Variants in UNC79 observed in about 807,000 individuals in gnomAD.
UNC79 encodes the protein unc-79 subunit of NALCN channel complex, also known as protein unc-79 homolog.
Under a neutral mutation model 283.1 loss-of-function variants are expected in UNC79, and 37 were observed. The ratio of observed to expected loss-of-function variants is 0.13; its 90% CI spans 0.10 to 0.17. The LOEUF is 0.17. Ranked by LOEUF, UNC79 falls within the 10% of genes least tolerant of loss-of-function variation. UNC79 has a pLI of 1.00. For missense variants in UNC79, 2,272 were observed against 3,211.1 expected (o/e 0.71, Z 7.07); for synonymous variants, 1,107 against 1,200.2 (o/e 0.92, Z 1.61).
chr14:93,560,447 T>C (rs1184356457), intron 14 of UNC79, among the ~76,000 whole-genome samples: 2 of 152,128 alleles, frequency 1.3e-5, no homozygotes, highest in African/African-American at 4.8e-5. Context: ...ACTGATAAAG[T>C]TTGTGATATC....
rs1383975382 is a variant in UNC79 at position 93,582,242 on chromosome 14, A to G, written c.2701A>G (p.Arg901Gly). The G allele has an allele frequency of 2.5e-6, 4 of 1,614,064 alleles. No homozygotes were observed. Among genetic ancestry groups the G allele is most frequent in the Admixed American group, 1.7e-5 (1 of 60,006 alleles). ...CCTGGAGGATAGCCTCCTTTCTTCC[A>G]GACCAGAGTTTATCATAGGCCCTGA... The change falls in exon 20 of 49, where the codon AGA (arginine) becomes GGA (glycine). Residue 901 changes from arginine to glycine, a missense_variant. Coordinates refer to ENST00000555664, the Ensembl canonical transcript of UNC79.
At chr14:93,660,604 T>C (rs1398040339) in intron 39 of UNC79, among the ~76,000 whole-genome samples, 3 of 146,204 alleles carry the variant, frequency 2.1e-5, no homozygotes, top group Non-Finnish European at 4.5e-5. Context: ...TTTTATTTTA[T>C]TTTGAGACAG....
intron 1 of UNC79, chr14:93,334,402 C>T (rs913585783): frequency 3.9e-5 from 6 of 152,234 alleles, no homozygotes; most frequent in South Asian, 2.1e-4. Context: ...CTGAAATTCC[C>T]CTCTAGCTGG....
intron 8 of UNC79, among the ~76,000 whole-genome samples, chr14:93,527,489 A>G (rs2060598741): frequency 6.6e-6 from 1 of 152,184 alleles, no homozygotes; most frequent in Non-Finnish European, 1.5e-5. Context: ...TTTCACTCTG[A>G]GCCTTTGTCA....
At chr14:93,494,069 A>G (rs897836137) in intron 5 of UNC79, among the ~76,000 whole-genome samples, 1 of 151,262 alleles carries the variant, frequency 6.6e-6, no homozygotes, top group African/African-American at 2.4e-5. Flanking sequence ...ACACCCAGCT[A>G]ATTTTTTGTA....
chr14:93,619,464 A>G (rs1278217587), intron 29 of UNC79, among the ~76,000 whole-genome samples: 1 of 152,222 alleles, frequency 6.6e-6, no homozygotes, highest in Non-Finnish European at 1.5e-5. Context: ...TATTGGTTGG[A>G]AAAACTGCAT....
intron 1 of UNC79, among the ~76,000 whole-genome samples, chr14:93,439,016 T>G (rs1371720345): frequency 6.6e-6 from 1 of 152,096 alleles, no homozygotes; most frequent in East Asian, 1.9e-4. Flanking sequence ...TTTAAAATTT[T>G]GAATACATGA....
At chr14:93,426,629 A>G (rs2055735430), upstream of UNC79, among the ~76,000 whole-genome samples, 2 of 151,544 alleles carry the variant, frequency 1.3e-5, no homozygotes, top group South Asian at 2.1e-4. Flanking sequence ...TATTTCATCT[A>G]TTTTCTACAC....
exon 19 of UNC79, chr14:93,580,284 G>C: frequency 6.2e-7 from 1 of 1,614,172 alleles, no homozygotes. Flanking sequence ...AAAAGCAATC[G>C]AGTGCAACTT....
At chr14:93,483,487 A>G (rs2058245166) in intron 4 of UNC79, among the ~76,000 whole-genome samples, 2 of 150,842 alleles carry the variant, frequency 1.3e-5, no homozygotes, top group Admixed American at 6.6e-5. Context: ...CAGCTCTAGC[A>G]TCTAGGATCC....
intron 1 of UNC79, among the ~76,000 whole-genome samples, chr14:93,422,978 G>A (rs769862780): frequency 6.7e-6 from 1 of 149,964 alleles, no homozygotes; most frequent in Non-Finnish European, 1.5e-5. Context: ...CAGGAGAATG[G>A]CGTGCACCTG....
At chr14:93,505,947 C>A (rs1443173961) in intron 7 of UNC79, among the ~76,000 whole-genome samples, 1 of 151,586 alleles carries the variant, frequency 6.6e-6, no homozygotes, top group Non-Finnish European at 1.5e-5. Flanking sequence ...CTCCTGACTT[C>A]CATGCTATAC....
intron 1 of UNC79, among the ~76,000 whole-genome samples, chr14:93,375,353 G>T (rs1326671858): frequency 1.3e-5 from 2 of 152,182 alleles, no homozygotes; most frequent in Non-Finnish European, 2.9e-5. Flanking sequence ...CTGCACTCCA[G>T]CCTGAGTGAC....
rs182169093 is a variant in UNC79, at chr14:93,561,321, A to G, written c.1756-10573A>G. On this transcript the variant is annotated intron_variant, in intron 14 of 48. Coordinates refer to ENST00000555664, the Ensembl canonical transcript of UNC79. Reference sequence around the variant, plus strand: ...GGGGGAGTAGAGTTGATATAAGGAGAAAGGTTTTTAAAGTAAGTGTGGAGG... The same window carrying G: ...GGGGGAGTAGAGTTGATATAAGGAGGAAGGTTTTTAAAGTAAGTGTGGAGG... 3.6e-3 allele frequency among the ~76,000 whole-genome samples: 549 copies of G among 152,144 alleles called. 4 individuals carry two copies. Among genetic ancestry groups the G allele is most frequent in the African/African-American group, 0.013 (529 of 41,498 alleles).
At chr14:93,585,870 CCTCT>C (rs1281444380) in intron 20 of UNC79, among the ~76,000 whole-genome samples, 7 of 149,830 alleles carry the variant, frequency 4.7e-5, no homozygotes, top group South Asian at 2.1e-4. Flanking sequence ...AAATTGAACA[CCTCT>C]CTCTCTCTCT....
chr14:93,396,597 G>C, intron 1 of UNC79, among the ~76,000 whole-genome samples: 2 of 152,066 alleles, frequency 1.3e-5, no homozygotes, highest in Non-Finnish European at 2.9e-5. Flanking sequence ...TGTTGCTACT[G>C]TTTGTTTTAG....
At position 93,335,245 on chromosome 14, in the gene UNC79, C is replaced by G. The variant is rs527882933; in HGVS notation, c.-351+1722C>G. Among the ~76,000 whole-genome samples the G allele has an allele frequency of 3.9e-5, 6 of 152,294 alleles. No individual in the cohort carries two copies. In the East Asian group the frequency reaches 1.2e-3, roughly 29 times the overall value. On this transcript the variant is annotated intron_variant, in intron 1 of 49. Transcript: ENST00000256339. ...AAGTGATCCATGATTTTTTTCTACC[C>G]TTTAATTCATTCACTGTTTCCTTAT...
At chr14:93,599,229 G>A (rs2065311776) in intron 24 of UNC79, among the ~76,000 whole-genome samples, 1 of 152,150 alleles carries the variant, frequency 6.6e-6, no homozygotes, top group Non-Finnish European at 1.5e-5. Context: ...TACCTTTTGT[G>A]TGTTCTCATT....
At chr14:93,434,155 A>G (rs1011786178) in intron 1 of UNC79, among the ~76,000 whole-genome samples, 4 of 151,990 alleles carry the variant, frequency 2.6e-5, no homozygotes. Context: ...GGAGATTGCT[A>G]TGAGTAGAGA....
Sources: allele counts gnomAD v4.1 joint callset (sites outside exome capture counted in the v4.1 genomes callset), GRCh38; gene constraint gnomAD v4.1.1; transcripts MANE v1.5; gene names NCBI Gene and HGNC (gene_info 2026-07-23, HGNC 2026-07-21).